Variants in VPS13B observed in about 807,000 individuals in gnomAD.
VPS13B encodes the protein vacuolar protein sorting 13 homolog B, also known as intermembrane lipid transfer protein VPS13B.
VPS13B carries 285 observed loss-of-function variants against 426.4 expected under a neutral mutation model. The ratio of observed to expected loss-of-function variants is 0.67; its 90% CI spans 0.61 to 0.74. The LOEUF is 0.74. VPS13B is among the 30% of genes least tolerant of loss of function. The pLI, the probability that VPS13B is intolerant of heterozygous loss-of-function variation, is 0.00. For synonymous variants in VPS13B, 1,676 were observed against 1,676.4 expected, an observed-to-expected ratio of 1.00 and a Z score of 0.01; for missense variants, 4,537 against 4,782.6, an observed-to-expected ratio of 0.95 and a Z score of 1.51.
At chr8:99,271,529 CAA>C (rs1818606340) in intron 17 of VPS13B, among the ~76,000 whole-genome samples, 2 of 151,996 alleles carry the variant, frequency 1.3e-5, no homozygotes, top group African/African-American at 4.8e-5. Context: ...TATATAAAGA[CAA>C]AATACAAATT....
intron 33 of VPS13B, among the ~76,000 whole-genome samples, chr8:99,640,049 G>GAAAAGAAA (rs1299280170): frequency 1.9e-4 from 19 of 99,704 alleles, no homozygotes; most frequent in South Asian, 3.6e-4. Context: ...AGAAGAAGAA[G>GAAAAGAAA]AGAAAAGAAA....
chr8:99,678,741 A>G (rs1831042174), intron 35 of VPS13B, among the ~76,000 whole-genome samples: 1 of 152,068 alleles, frequency 6.6e-6, no homozygotes, highest in Non-Finnish European at 1.5e-5. Context: ...TTCCTTTTCC[A>G]TATGTTAGCT....
Position 99,818,769 on chromosome 8 carries a change from A to G in VPS13B, c.8502A>G (p.Ile2834Met), listed in dbSNP as rs777969076. The G allele has an allele frequency of 6.2e-7, 1 of 1,614,018 alleles. No homozygotes were observed. Among genetic ancestry groups the G allele is most frequent in the South Asian group, 1.1e-5 (1 of 91,064 alleles). Residue 2834 changes from isoleucine to methionine, a missense_variant, in exon 47 of 62, where the codon ATA (isoleucine) becomes ATG (methionine). Transcript: ENST00000357162. ...GTCATCTTCCAGACCCCATTATCAT[A>G]CATTTGGAGAAAAGGAGTCTGGGAT... is the stretch of plus-strand genomic sequence containing the variant. ...MRSHLPDPII[I>M]HLEKRSLGLS...
intron 34 of VPS13B, among the ~76,000 whole-genome samples, chr8:99,657,460 A>C (rs959206985): frequency 3.7e-5 from 1 of 26,942 alleles, no homozygotes; most frequent in African/African-American, 2.3e-4. Context: ...ATTCAGCAGT[A>C]CTTTAAAAAT....
intron 36 of VPS13B, among the ~76,000 whole-genome samples, chr8:99,716,168 G>A (rs1832912237): frequency 6.6e-6 from 1 of 152,068 alleles, no homozygotes; most frequent in Admixed American, 6.6e-5. Flanking sequence ...TGCCTTCTGT[G>A]GAGGATTAGA....
At chr8:99,744,037 C>A (rs1473712719) in intron 39 of VPS13B, among the ~76,000 whole-genome samples, 1 of 152,080 alleles carries the variant, frequency 6.6e-6, no homozygotes, top group Admixed American at 6.5e-5. Flanking sequence ...AGTGAACAGG[C>A]AACCTACAAA....
At chr8:99,103,836 A>G (rs1846898566) in intron 5 of VPS13B, among the ~76,000 whole-genome samples, 1 of 152,076 alleles carries the variant, frequency 6.6e-6, no homozygotes, top group Non-Finnish European at 1.5e-5. Flanking sequence ...AGGTTTTGCC[A>G]CATTGCCCAG....
intron 31 of VPS13B, among the ~76,000 whole-genome samples, chr8:99,568,648 A>G (rs954987800): frequency 6.6e-6 from 1 of 152,068 alleles, no homozygotes; most frequent in African/African-American, 2.4e-5. Flanking sequence ...TATGCCTCCC[A>G]TTAATATAAA....
intron 24 of VPS13B, among the ~76,000 whole-genome samples, chr8:99,474,094 C>A (rs1235362885): frequency 6.6e-6 from 1 of 151,512 alleles, no homozygotes; most frequent in Non-Finnish European, 1.5e-5. Context: ...TAAAAAAATA[C>A]TTTTTGAATG....
intron 25 of VPS13B, among the ~76,000 whole-genome samples, chr8:99,497,137 A>AAT (rs893426965): frequency 1.4e-5 from 2 of 139,560 alleles, no homozygotes; most frequent in East Asian, 2.0e-4. Context: ...TTCATATATA[A>AAT]ATATATATAT....
intron 3 of VPS13B, among the ~76,000 whole-genome samples, chr8:99,059,095 G>A (rs1326020805): frequency 6.6e-6 from 1 of 152,160 alleles, no homozygotes; most frequent in East Asian, 1.9e-4. Context: ...GAATGCTATG[G>A]ATATAGTAGT....
At chr8:99,637,448 T>G (rs1829117325) in intron 33 of VPS13B, among the ~76,000 whole-genome samples, 1 of 152,120 alleles carries the variant, frequency 6.6e-6, no homozygotes, top group Non-Finnish European at 1.5e-5. Context: ...TTCCTTCCAA[T>G]GAAAGCCAGA....
chr8:99,757,265 G>T (rs1319785147), intron 39 of VPS13B, among the ~76,000 whole-genome samples: 2 of 152,094 alleles, frequency 1.3e-5, no homozygotes, highest in East Asian at 1.9e-4. Context: ...CTCTGGCTTT[G>T]TACTCACTAA....
intron 34 of VPS13B, among the ~76,000 whole-genome samples, chr8:99,642,984 T>G (rs919833927): frequency 2.0e-5 from 3 of 152,180 alleles, no homozygotes; most frequent in African/African-American, 4.8e-5. Flanking sequence ...ATTTAAAGAT[T>G]TTTGTACATC....
chr8:99,207,330 C>CATTAT (rs1814787914), intron 17 of VPS13B, among the ~76,000 whole-genome samples: 1 of 152,032 alleles, frequency 6.6e-6, no homozygotes, highest in South Asian at 2.1e-4. Context: ...TAATGCAACA[C>CATTAT]TAGGAATAAA....
chr8:99,826,974 G>A (rs1406769153), intron 51 of VPS13B, among the ~76,000 whole-genome samples: 2 of 152,066 alleles, frequency 1.3e-5, no homozygotes, highest in Non-Finnish European at 2.9e-5. Flanking sequence ...CGGTTTGCCA[G>A]TATTTTATTG....
At chr8:99,257,171 A>T (rs1054001066) in intron 17 of VPS13B, among the ~76,000 whole-genome samples, 1 of 152,168 alleles carries the variant, frequency 6.6e-6, no homozygotes. Context: ...TTACATTTCA[A>T]TGTGAGTTTT....
chr8:99,425,575 A>G (rs1028268147), intron 21 of VPS13B, among the ~76,000 whole-genome samples: 2 of 152,182 alleles, frequency 1.3e-5, no homozygotes, highest in African/African-American at 2.4e-5. Context: ...TCAAAATAAT[A>G]AGAGCTATTT....
chr8:99,150,755 T>G (rs1563569711), intron 14 of VPS13B, among the ~76,000 whole-genome samples: 1 of 152,242 alleles, frequency 6.6e-6, no homozygotes, highest in African/African-American at 2.4e-5. Flanking sequence ...CCATTACAGA[T>G]GTACCACAAT....
Sources: allele counts gnomAD v4.1 joint callset (sites outside exome capture counted in the v4.1 genomes callset), GRCh38; gene constraint gnomAD v4.1.1; transcripts MANE v1.5; gene names NCBI Gene and HGNC (gene_info 2026-07-23, HGNC 2026-07-21).